The following IKBKB variants were observed in gnomAD, a reference collection of about 807,000 sequenced individuals.
IKBKB encodes inhibitor of nuclear factor kappa B kinase subunit beta.
In IKBKB, 42 loss-of-function variants were observed where a neutral mutation model predicts 113.6. The ratio of observed to expected loss-of-function variants is 0.37; its 90% CI spans 0.29 to 0.48. The LOEUF is 0.48. Among genes scored for constraint, IKBKB ranks in the 20% least tolerant of loss-of-function variants. The pLI is 0.99. For synonymous variants in IKBKB, 296 were observed against 361.3 expected (o/e 0.82, Z 2.05); for missense variants, 673 against 939.7 (o/e 0.72, Z 3.71).
chr8:42,323,306 G>C (rs953130256), intron 19 of IKBKB, among the ~76,000 whole-genome samples: 3 of 152,246 alleles, frequency 2.0e-5, no homozygotes, highest in Non-Finnish European at 4.4e-5. Flanking sequence ...AGTGCAACTT[G>C]GTTGACCATC....
At position 42,318,616 on chromosome 8, in the gene IKBKB, C is replaced by T. The variant is rs201692068; in HGVS notation, c.1305C>T (p.His435=). 1 of 1,613,798 alleles carries T rather than the reference C, an allele frequency of 6.2e-7. No individual in the cohort carries two copies. The highest frequency in any genetic ancestry group is 2.2e-5 in the East Asian group (1 of 44,894). Residue 435 remains histidine, a synonymous_variant, in exon 13 of 22, where the codon CAC becomes CAT. Transcript: ENST00000520810. ...GGAAGGTGTGGGGCCAGGTCTGGCA[C>T]AGCATCCAGACCCTGAAGGAAGATT... ...QLRKVWGQVW[H]SIQTLKEDCN...
At chr8:42,317,814 A>G in intron 12 of IKBKB, 43 bp downstream of exon 12, 1 of 1,390,486 alleles carries the variant, frequency 7.2e-7, no homozygotes, top group Non-Finnish European at 1.0e-6. Flanking sequence ...AATCCGTTAT[A>G]ATATGTGGGA....
At chr8:42,286,934 G>A (rs1378028085) in intron 2 of IKBKB, among the ~76,000 whole-genome samples, 1 of 152,198 alleles carries the variant, frequency 6.6e-6, no homozygotes, top group Non-Finnish European at 1.5e-5. Context: ...GGAGTTTCGT[G>A]CTGTAGGTAC....
At chr8:42,326,954 GGGGCAGGGGAGGAGGTT>G (rs1196429243) in intron 20 of IKBKB, among the ~76,000 whole-genome samples, 13 of 152,146 alleles carry the variant, frequency 8.5e-5, no homozygotes, top group Non-Finnish European at 1.9e-4. Context: ...ATGATTACCT[GGGGCAGGGGAGGAGGTT>G]GGGAGTGACT....
chr8:42,303,473 C>T (rs1390978052), intron 5 of IKBKB, among the ~76,000 whole-genome samples: 2 of 152,040 alleles, frequency 1.3e-5, no homozygotes, highest in Non-Finnish European at 2.9e-5. Context: ...TGCTTTCTCA[C>T]CACTTGACAT....
chr8:42,276,435 A>G (rs560183788), intron 2 of IKBKB, among the ~76,000 whole-genome samples: 2 of 152,188 alleles, frequency 1.3e-5, no homozygotes, highest in East Asian at 3.9e-4. Flanking sequence ...AAATTGGATT[A>G]TTTATTTTTT....
chr8:42,287,527 G>A (rs1191641864), intron 2 of IKBKB, among the ~76,000 whole-genome samples: 2 of 152,234 alleles, frequency 1.3e-5, no homozygotes, highest in Non-Finnish European at 2.9e-5. Flanking sequence ...AGGGTGGGTG[G>A]GGCCGTCTGG....
chr8:42,280,770 T>C (rs1299903261), intron 2 of IKBKB, among the ~76,000 whole-genome samples: 5 of 152,118 alleles, frequency 3.3e-5, no homozygotes, highest in Non-Finnish European at 7.4e-5. Context: ...GAGGAGGCAG[T>C]GTGTGTACTG....
At chr8:42,293,373 A>C (rs1813053015) in intron 4 of IKBKB, 70 bp from the exon 5 acceptor site, 1 of 1,596,634 alleles carries the variant, frequency 6.3e-7, no homozygotes, top group East Asian at 2.2e-5. Flanking sequence ...ATGGGCTGGT[A>C]AGAGACATGT....
intron 21 of IKBKB, 68 bp from the exon 22 acceptor site, chr8:42,330,844 CCT>C (rs1563379286): frequency 6.2e-7 from 1 of 1,612,164 alleles, no homozygotes; most frequent in East Asian, 2.2e-5. Flanking sequence ...CTGATTTCCT[CCT>C]GAAGAGGAAA....
At chr8:42,294,226 CA>C (rs1813247415) in intron 5 of IKBKB, among the ~76,000 whole-genome samples, 1 of 152,214 alleles carries the variant, frequency 6.6e-6, no homozygotes, top group South Asian at 2.1e-4. Context: ...TTAGAGTTAT[CA>C]GAATTTATCT....
At chr8:42,325,825 G>T (rs563200948) in intron 19 of IKBKB, 145 bp from the exon 20 acceptor site, 1 of 1,486,114 alleles carries the variant, frequency 6.7e-7, no homozygotes, top group Middle Eastern at 1.8e-4. Context: ...CAGTTGACCC[G>T]CAGGTGGGGG....
intron 15 of IKBKB, chr8:42,319,942 G>A: frequency 2.9e-6 from 1 of 338,986 alleles, no homozygotes; most frequent in Non-Finnish European, 5.3e-6. Context: ...GTTAGGAAGG[G>A]CATTGGATGG....
chr8:42,285,467 A>G (rs1279780223), intron 2 of IKBKB, among the ~76,000 whole-genome samples: 1 of 152,138 alleles, frequency 6.6e-6, no homozygotes, highest in Non-Finnish European at 1.5e-5. Context: ...AGGTGGGAGG[A>G]TCGCTTGAGC....
chr8:42,276,797 C>T (rs1424806406), intron 2 of IKBKB, among the ~76,000 whole-genome samples: 2 of 150,778 alleles, frequency 1.3e-5, no homozygotes, highest in South Asian at 2.1e-4. Flanking sequence ...TGGGTTCAAG[C>T]GATTCTCCTG....
intron 3 of IKBKB, among the ~76,000 whole-genome samples, chr8:42,289,642 G>A (rs1812161609): frequency 6.6e-6 from 1 of 152,138 alleles, no homozygotes; most frequent in Non-Finnish European, 1.5e-5. Context: ...AAAAGAGGAG[G>A]TGCTATTTGG....
chr8:42,281,989 G>T (rs1810449120), intron 2 of IKBKB, among the ~76,000 whole-genome samples: 1 of 152,110 alleles, frequency 6.6e-6, no homozygotes, highest in Non-Finnish European at 1.5e-5. Context: ...GCACCTTTTG[G>T]TCTGAGGATG....
At chr8:42,307,399 T>C (rs749412064) in intron 7 of IKBKB, among the ~76,000 whole-genome samples, 2 of 151,770 alleles carry the variant, frequency 1.3e-5, no homozygotes, top group Non-Finnish European at 2.9e-5. Context: ...GATTGATGGG[T>C]TTTAAGTGGG....
intron 8 of IKBKB, among the ~76,000 whole-genome samples, chr8:42,309,977 T>C (rs1299613647): frequency 6.6e-6 from 1 of 152,242 alleles, no homozygotes; most frequent in East Asian, 1.9e-4. Flanking sequence ...GTATGTGAGG[T>C]AATGTATATG....
Sources: gnomAD v4.1 joint callset for allele counts (sites outside exome capture counted in the v4.1 genomes callset) on GRCh38, gnomAD v4.1.1 for gene constraint, MANE v1.5 for transcripts, NCBI Gene and HGNC (gene_info 2026-07-23, HGNC 2026-07-21) for gene names.